Variants in MCF2L2 observed in about 807,000 individuals in gnomAD.
MCF2L2 encodes probable guanine nucleotide exchange factor MCF2L2.
Under a neutral mutation model 150.2 loss-of-function variants are expected in MCF2L2, and 102 were observed. That is an observed-to-expected ratio of 0.68 (90% CI 0.58 to 0.80). The LOEUF (loss-of-function observed/expected upper bound fraction) is 0.80. Among genes scored for constraint, MCF2L2 ranks in the 30% least tolerant of loss-of-function variants. The pLI is 0.00. For synonymous variants in MCF2L2, 465 were observed against 491.3 expected, an observed-to-expected ratio of 0.95 and a Z score of 0.71; for missense variants, 1,256 against 1,372.8, an observed-to-expected ratio of 0.91 and a Z score of 1.34.
intron 5 of MCF2L2, among the ~76,000 whole-genome samples, chr3:183,334,725 A>G (rs1338579529): frequency 6.7e-6 from 1 of 149,976 alleles, no homozygotes; most frequent in African/African-American, 2.5e-5. Flanking sequence ...CCTGGGAGGC[A>G]GATGTTCCAG....
At chr3:183,312,876 C>A (rs1017659634) in intron 7 of MCF2L2, among the ~76,000 whole-genome samples, 10 of 152,188 alleles carry the variant, frequency 6.6e-5, no homozygotes, top group Non-Finnish European at 2.9e-5. Flanking sequence ...ACTTGGCTTC[C>A]CTGAGCTGGC....
At chr3:183,284,452 A>G (rs1268518244) in intron 14 of MCF2L2, among the ~76,000 whole-genome samples, 1 of 152,202 alleles carries the variant, frequency 6.6e-6, no homozygotes, top group African/African-American at 2.4e-5. Flanking sequence ...CTGTAATCCC[A>G]GCACTTTGGG....
At position 183,379,900 on chromosome 3, in the gene MCF2L2, T is replaced by G. The variant is rs539871173; in HGVS notation, c.161-489A>C. On this transcript the variant is annotated intron_variant, in intron 2 of 29. Coordinates refer to ENST00000328913, the MANE Select transcript of MCF2L2 (RefSeq NM_015078.4). ...ATACATATATATGTATGTATATATATAGATATATATGACCTACCATTTTAT... is the reference window on the plus strand; with the variant it reads ...ATACATATATATGTATGTATATATAGAGATATATATGACCTACCATTTTAT... Among the ~76,000 whole-genome samples, 31 of 151,776 alleles carry G rather than the reference T, an allele frequency of 2.0e-4. 1 individual carries two copies. In the East Asian group the frequency reaches 2.1e-3, roughly 10 times the overall value.
intron 1 of MCF2L2, among the ~76,000 whole-genome samples, chr3:183,423,914 G>A (rs187550654): frequency 8.7e-4 from 131 of 150,194 alleles, no homozygotes; most frequent in African/African-American, 2.8e-3. Flanking sequence ...GAGCCACTGC[G>A]CCCGGCGACA....
In MCF2L2 at chr3:183,428,513, T is replaced by C. The variant is rs1255313007; in HGVS notation, c.-536A>G. On this transcript the variant is annotated 5_prime_UTR_variant, in exon 1 of 30. Coordinates refer to ENST00000328913, the MANE Select transcript of MCF2L2 (RefSeq NM_015078.4). The surrounding 1 kb of genome is among the most constrained non-coding windows in gnomAD (Gnocchi z 5.1). ...CGCACGCTCCCAAGCGCCGCTCGTTTTGGGGTCGGGAACGCTGCGCACCTT... is the reference window on the plus strand; with the variant it reads ...CGCACGCTCCCAAGCGCCGCTCGTTCTGGGGTCGGGAACGCTGCGCACCTT... 1 of 152,984 alleles carries C rather than the reference T, an allele frequency of 6.5e-6. No homozygotes were observed. The highest frequency in any genetic ancestry group is 2.4e-5 in the African/African-American group (1 of 41,436). 9.5% of individuals were successfully genotyped at this position (152,984 alleles called of 1,614,324 possible).
At chr3:183,396,021 C>T (rs950340023) in intron 1 of MCF2L2, among the ~76,000 whole-genome samples, 2 of 151,560 alleles carry the variant, frequency 1.3e-5, no homozygotes, top group East Asian at 3.9e-4. Flanking sequence ...CTGCCCAGAC[C>T]CTCACTTTGG....
chr3:183,300,539 A>G (rs753425679), intron 10 of MCF2L2, among the ~76,000 whole-genome samples: 3 of 152,240 alleles, frequency 2.0e-5, no homozygotes, highest in East Asian at 3.8e-4. Context: ...TACAATTGCA[A>G]TAAACTCTAG....
chr3:183,292,556 TACACACACACAC>T (rs58788215), intron 13 of MCF2L2, among the ~76,000 whole-genome samples: 5 of 145,572 alleles, frequency 3.4e-5, no homozygotes, highest in East Asian at 4.0e-4. Flanking sequence ...AGGGGGTATG[TACACACACACAC>T]ACACACACAC....
chr3:183,277,392 T>C (rs73884629), intron 14 of MCF2L2, among the ~76,000 whole-genome samples: 3,543 of 149,590 alleles, frequency 0.024, 157 homozygotes, highest in African/African-American at 0.081. Context: ...GGGCTATTCA[T>C]ACTTTACTGC....
intron 14 of MCF2L2, among the ~76,000 whole-genome samples, chr3:183,277,848 T>C (rs565677057): frequency 2.4e-4 from 36 of 151,870 alleles, no homozygotes; most frequent in African/African-American, 8.7e-4. Flanking sequence ...CCCTCTAATA[T>C]ATATATCTGA....
At chr3:183,186,091 T>C (rs1205053349) in intron 27 of MCF2L2, among the ~76,000 whole-genome samples, 1 of 152,032 alleles carries the variant, frequency 6.6e-6, no homozygotes, top group African/African-American at 2.4e-5. Flanking sequence ...ATGTTCTGGA[T>C]TGGAATAAGC....
intron 2 of MCF2L2, among the ~76,000 whole-genome samples, chr3:183,380,322 G>A (rs946570280): frequency 1.3e-5 from 2 of 152,058 alleles, no homozygotes; most frequent in East Asian, 3.9e-4. Context: ...AATTTTTGAG[G>A]GAAACACAGT....
At chr3:183,370,246 C>T (rs925807167) in intron 3 of MCF2L2, among the ~76,000 whole-genome samples, 1 of 152,234 alleles carries the variant, frequency 6.6e-6, no homozygotes, top group South Asian at 2.1e-4. Flanking sequence ...ATGTATTTTA[C>T]ATATACCTAC....
At chr3:183,231,772 T>C (rs1723570365) in intron 15 of MCF2L2, among the ~76,000 whole-genome samples, 1 of 152,166 alleles carries the variant, frequency 6.6e-6, no homozygotes. Context: ...TCCAGATCTT[T>C]GACCCATATG....
At chr3:183,237,799 T>C (rs1412792394) in intron 15 of MCF2L2, among the ~76,000 whole-genome samples, 5 of 24,682 alleles carry the variant, frequency 2.0e-4, no homozygotes, top group Non-Finnish European at 3.5e-4. Flanking sequence ...TGTTAGGGTG[T>C]CAATTTTGGA....
At chr3:183,316,340 TTG>T (rs1306937505) in intron 7 of MCF2L2, among the ~76,000 whole-genome samples, 81 of 133,482 alleles carry the variant, frequency 6.1e-4, no homozygotes, top group Non-Finnish European at 9.0e-4. Flanking sequence ...TTTTTTTGTT[TTG>T]TTTTGTTTTG....
chr3:183,271,521 G>T (rs1726780854), intron 15 of MCF2L2: 1 of 167,024 alleles, frequency 6.0e-6, no homozygotes, highest in South Asian at 2.1e-4. Context: ...TGTAGCTACT[G>T]GTGTTAGAGT....
At chr3:183,423,580 G>A (rs16857458) in intron 1 of MCF2L2, among the ~76,000 whole-genome samples, 4,325 of 151,000 alleles carry the variant, frequency 0.029, 197 homozygotes, top group African/African-American at 0.1. Context: ...TGCTGGAAAT[G>A]CAAAACCTCT....
At position 183,206,215 on chromosome 3, in the gene MCF2L2, C is replaced by T. The variant is rs749497966; in HGVS notation, c.2713-1G>A. 1.9e-6 allele frequency: 3 copies of T among 1,611,186 alleles called. No individual in the cohort carries two copies. In the African/African-American group the frequency reaches 4.0e-5, roughly 22 times the overall value. Reference sequence around the variant, plus strand: ...GCTGGCGAATTGAAAGTGTCATCAGCTATTATAAAGAGGGAAGAGAAATGT... The same window carrying T: ...GCTGGCGAATTGAAAGTGTCATCAGTTATTATAAAGAGGGAAGAGAAATGT... On this transcript the variant is annotated splice_acceptor_variant, in intron 23 of 29. Coordinates refer to ENST00000328913, the MANE Select transcript of MCF2L2 (RefSeq NM_015078.4). LOFTEE classifies it high-confidence loss of function.
Sources: allele counts gnomAD v4.1 joint callset (sites outside exome capture counted in the v4.1 genomes callset), GRCh38; gene constraint gnomAD v4.1.1; non-coding constraint Gnocchi (gnomAD v3.1); transcripts MANE v1.5; gene names NCBI Gene and HGNC (gene_info 2026-07-23, HGNC 2026-07-21).